The following NEGR1 variants were observed in gnomAD, a reference collection of about 807,000 sequenced individuals.
The protein encoded by NEGR1 is IgLON family member 4.
A neutral mutation model predicts 40.9 loss-of-function variants in NEGR1; 10 were observed. The ratio of observed to expected loss-of-function variants is 0.24; its 90% CI spans 0.15 to 0.42. NEGR1 has a LOEUF of 0.42. Ranked by LOEUF, NEGR1 falls within the 10% of genes least tolerant of loss-of-function variation. NEGR1 has a pLI of 1.00. For missense variants in NEGR1, 352 were observed against 438.9 expected (o/e 0.80, Z 1.77); for synonymous variants, 185 against 166.8 (o/e 1.11, Z -0.84).
intron 3 of NEGR1, among the ~76,000 whole-genome samples, chr1:71,762,279 G>GA (rs141811319): frequency 0.38 from 55,419 of 147,350 alleles, 10,526 homozygotes; most frequent in East Asian, 0.59. Flanking sequence ...GCAACAAACA[G>GA]AAAAAGAAAA....
chr1:72,169,740 G>A (rs911599661), intron 1 of NEGR1, among the ~76,000 whole-genome samples: 2 of 152,102 alleles, frequency 1.3e-5, no homozygotes, highest in African/African-American at 4.8e-5. Context: ...CTGACCCACT[G>A]TTTTTAACAC....
chr1:71,432,731 T>G (rs1646477995), intron 6 of NEGR1, among the ~76,000 whole-genome samples: 1 of 152,194 alleles, frequency 6.6e-6, no homozygotes, highest in Admixed American at 6.5e-5. Flanking sequence ...GATCCAACAA[T>G]TCATCCAGGC....
chr1:71,493,136 C>T (rs1275897969), intron 6 of NEGR1, among the ~76,000 whole-genome samples: 3 of 152,086 alleles, frequency 2.0e-5, no homozygotes, highest in African/African-American at 4.8e-5. Context: ...TCATTACCAT[C>T]GCCCTACTCC....
intron 6 of NEGR1, among the ~76,000 whole-genome samples, chr1:71,416,442 G>C (rs1646356335): frequency 6.6e-6 from 1 of 151,776 alleles, no homozygotes; most frequent in Admixed American, 6.6e-5. Flanking sequence ...CCATTTTTTT[G>C]AATATTCCAT....
Position 71,611,147 on chromosome 1 carries a change from C to T in NEGR1, c.668-1G>A. 1 of 1,613,196 alleles carries T rather than the reference C, an allele frequency of 6.2e-7. No homozygotes were observed. The highest frequency in any genetic ancestry group is 8.5e-7 in the Non-Finnish European group (1 of 1,179,504). On this transcript the variant is annotated splice_acceptor_variant, in intron 4 of 6. Coordinates refer to ENST00000357731, the MANE Select transcript of NEGR1 (RefSeq NM_173808.3). LOFTEE classifies it high-confidence loss of function. ...TTAATTTCCTGAATAGTAGGAGCAA[C>T]TGCAAAAGAAACAAACAAACAAATA... is the stretch of plus-strand genomic sequence containing the variant.
intron 6 of NEGR1, among the ~76,000 whole-genome samples, chr1:71,454,478 T>C (rs1646655888): frequency 6.6e-6 from 1 of 152,162 alleles, no homozygotes; most frequent in South Asian, 2.1e-4. Context: ...AATCATGACA[T>C]TTCTTTGAAA....
intron 1 of NEGR1, among the ~76,000 whole-genome samples, chr1:71,990,231 T>A (rs142408004): frequency 6.6e-6 from 1 of 152,274 alleles, no homozygotes; most frequent in Non-Finnish European, 1.5e-5. Context: ...GAAGTTGAAT[T>A]TCATCTGTCA....
chr1:71,563,024 A>G (rs1648508644), intron 6 of NEGR1, among the ~76,000 whole-genome samples: 1 of 152,000 alleles, frequency 6.6e-6, no homozygotes, highest in Non-Finnish European at 1.5e-5. Flanking sequence ...CAATAGGAAG[A>G]AGGCCTTGCA....
intron 1 of NEGR1, among the ~76,000 whole-genome samples, chr1:72,158,353 T>C (rs543538342): frequency 6.6e-6 from 1 of 152,332 alleles, no homozygotes; most frequent in African/African-American, 2.4e-5. Context: ...CCTTTTAGTG[T>C]AGCTCTCAAG....
intron 1 of NEGR1, among the ~76,000 whole-genome samples, chr1:71,981,540 T>C (rs77790634): frequency 1.3e-5 from 2 of 152,088 alleles, no homozygotes; most frequent in African/African-American, 4.8e-5. Context: ...GAAGTGAAAC[T>C]TGATGAGATT....
chr1:71,720,173 G>A (rs747158637), intron 3 of NEGR1, among the ~76,000 whole-genome samples: 6 of 152,124 alleles, frequency 3.9e-5, no homozygotes, highest in Non-Finnish European at 5.9e-5. Flanking sequence ...TAAAGTAAGC[G>A]TTATCAACAC....
chr1:72,195,418 C>A (rs1652965210), intron 1 of NEGR1, among the ~76,000 whole-genome samples: 1 of 151,770 alleles, frequency 6.6e-6, no homozygotes, highest in South Asian at 2.1e-4. Flanking sequence ...TTTTAAAAGT[C>A]CACGTTAATT....
chr1:71,673,980 A>G (rs1289579591), intron 4 of NEGR1, among the ~76,000 whole-genome samples: 1 of 152,142 alleles, frequency 6.6e-6, no homozygotes, highest in African/African-American at 2.4e-5. Context: ...TATTAGTATT[A>G]GTTTTATATT....
chr1:71,886,677 G>T (rs1196438352), intron 2 of NEGR1, among the ~76,000 whole-genome samples: 1 of 152,104 alleles, frequency 6.6e-6, no homozygotes, highest in Non-Finnish European at 1.5e-5. Context: ...TCCCCAAGTT[G>T]CCTTAAACGG....
At chr1:71,723,600 C>A (rs756328323) in intron 3 of NEGR1, among the ~76,000 whole-genome samples, 39 of 152,024 alleles carry the variant, frequency 2.6e-4, no homozygotes, top group Admixed American at 1.9e-3. Flanking sequence ...TCCACAGAGA[C>A]GGAAGTTTCT....
chr1:72,172,872 T>C (rs532114295), intron 1 of NEGR1, among the ~76,000 whole-genome samples: 2 of 152,286 alleles, frequency 1.3e-5, no homozygotes, highest in African/African-American at 4.8e-5. Flanking sequence ...CGTCTTTCCA[T>C]ATTGCCATCT....
chr1:72,144,904 G>T (rs1235709374), intron 1 of NEGR1, among the ~76,000 whole-genome samples: 2 of 151,998 alleles, frequency 1.3e-5, no homozygotes, highest in African/African-American at 4.8e-5. Context: ...ATTTGATCTT[G>T]GTCTTTCATC....
intron 1 of NEGR1, among the ~76,000 whole-genome samples, chr1:72,067,487 G>C (rs1467754920): frequency 6.6e-6 from 1 of 152,056 alleles, no homozygotes; most frequent in Non-Finnish European, 1.5e-5. Flanking sequence ...ATCTACTCCA[G>C]TTTTAGGAAG....
chr1:72,090,918 C>A (rs150286986), intron 1 of NEGR1, among the ~76,000 whole-genome samples: 50 of 152,270 alleles, frequency 3.3e-4, no homozygotes, highest in African/African-American at 1.1e-3. Flanking sequence ...CATAATGTCT[C>A]CGAAAACATT....
Sources: gnomAD v4.1 joint callset for allele counts (sites outside exome capture counted in the v4.1 genomes callset) on GRCh38, gnomAD v4.1.1 for gene constraint, MANE v1.5 for transcripts, NCBI Gene and HGNC (gene_info 2026-07-23, HGNC 2026-07-21) for gene names.